PRDM2: variants seen among roughly 807,000 people sequenced by gnomAD.
PRDM2 encodes PR/SET domain 2.
In PRDM2, 30 loss-of-function variants were observed where a neutral mutation model predicts 130.0. That is an observed-to-expected ratio of 0.23 (90% CI 0.17 to 0.31). The LOEUF is 0.31. Among genes scored for constraint, PRDM2 ranks in the 10% least tolerant of loss-of-function variants. The pLI is 1.00. For synonymous variants in PRDM2, 871 were observed against 782.4 expected (o/e 1.11, Z -1.89); for missense variants, 2,011 against 2,108.4 (o/e 0.95, Z 0.90).
At chr1:13,802,891 G>A (rs1009708724) in intron 8 of PRDM2, among the ~76,000 whole-genome samples, 10 of 152,228 alleles carry the variant, frequency 6.6e-5, no homozygotes, top group Non-Finnish European at 1.0e-4. Context: ...ACAGGATTTG[G>A]GGCAGCCTAG....
At chr1:13,814,384 C>G (rs144374321) in intron 8 of PRDM2, among the ~76,000 whole-genome samples, 1 of 152,226 alleles carries the variant, frequency 6.6e-6, no homozygotes, top group East Asian at 1.9e-4. Context: ...GACAGAGAGC[C>G]AGGCCCTTGG....
At position 13,778,611 on chromosome 1, in the gene PRDM2, G is replaced by T. The variant is rs960328443; in HGVS notation, c.816G>T (p.Glu272Asp). The part of the protein sequence containing the change: ...EVNDLGEEEE[E>D]EEEEDEEEEE... The stretch of plus-strand genomic sequence containing the variant: ...ATGATTTGGGGGAAGAGGAGGAGGA[G>T]GAAGAGGAGGAGGATGAAGAAGAAG... The change falls in exon 8 of 10, where the codon GAG becomes GAT. Residue 272 changes from glutamate to aspartate, a missense_variant. By Grantham distance (45) the Glu-to-Asp change is conservative. Transcript: ENST00000311066. 1.2e-6 allele frequency: 2 copies of T among 1,613,478 alleles called. No individual in the cohort carries two copies. Among genetic ancestry groups the T allele is most frequent in the South Asian group, 1.1e-5 (1 of 91,038 alleles).
rs139910018 is a variant in PRDM2, at chr1:13,780,128, A to T, written c.2333A>T (p.His778Leu). The T allele has an allele frequency of 4.2e-5, 67 of 1,611,362 alleles. No individual in the cohort carries two copies. The African/African-American group carries it at 7.5e-4, about 18-fold the overall frequency. The part of the protein sequence containing the change: ...LTSKKSKLES[H>L]SDSPAWSLSG... ...TCCAAAAAATCCAAATTAGAAAGTC[A>T]CAGCGACTCACCAGCATGGAGTTTG... The change falls in exon 8 of 10, where the codon CAC becomes CTC. Residue 778 changes from histidine to leucine, a missense_variant. This residue lies in a region of PRDM2 where 1,288 missense variants were observed against 1,237.7 expected (regional missense o/e 1.04). Coordinates refer to ENST00000311066, the MANE Select transcript of PRDM2 (RefSeq NM_001393986.1).
intron 9 of PRDM2, among the ~76,000 whole-genome samples, chr1:13,821,534 G>A (rs750182453): frequency 1.3e-5 from 2 of 151,558 alleles, no homozygotes; most frequent in Non-Finnish European, 2.9e-5. Context: ...GCAATCTCAG[G>A]TCGCTGCAAC....
Position 13,779,686 on chromosome 1 carries a change from A to C in PRDM2, c.1891A>C (p.Ser631Arg), listed in dbSNP as rs1345254478. ...AGATCTTCCTAAAGAGCCTTTGGGCAGCACAAATAGTGAGGCCAAGAAGCG... is the reference window on the plus strand; with the variant it reads ...AGATCTTCCTAAAGAGCCTTTGGGCCGCACAAATAGTGAGGCCAAGAAGCG... ...TEDLPKEPLG[S>R]TNSEAKKRRT... Residue 631 changes from serine to arginine, a missense_variant, in exon 8 of 10, where the codon AGC becomes CGC. Transcript: ENST00000311066. This position sits in a 1 kb window ranked among gnomAD's most constrained non-coding sequence, Gnocchi z 4.9. The C allele has an allele frequency of 6.2e-7, 1 of 1,613,980 alleles. No homozygotes were observed. Among genetic ancestry groups the C allele is most frequent in the Non-Finnish European group, 8.5e-7 (1 of 1,180,010 alleles).
rs576617549 is a variant in PRDM2, at chr1:13,756,087, T to TA, written c.511+6616dup. Among the ~76,000 whole-genome samples, 607 of 132,982 alleles carry TA rather than the reference T, an allele frequency of 4.6e-3. 3 individuals carry two copies. The highest frequency in any genetic ancestry group is 0.011 in the Middle Eastern group (3 of 270). 87.2% of individuals were successfully genotyped at this position (132,982 alleles called of 152,430 possible). On this transcript the variant is annotated intron_variant, in intron 6 of 9. Coordinates refer to ENST00000311066, the MANE Select transcript of PRDM2 (RefSeq NM_001393986.1). ...TAACATGGTGAAACCCTGTCTCTTC[T>TA]AAAAAAAAAAAAAAAATACAAAAAA...
At chr1:13,794,376 C>T (rs1644889432) in intron 8 of PRDM2, among the ~76,000 whole-genome samples, 1 of 152,212 alleles carries the variant, frequency 6.6e-6, no homozygotes, top group African/African-American at 2.4e-5. Flanking sequence ...ATGTCTCCCC[C>T]TTCTTAGATG....
chr1:13,760,078 T>C (rs1019658881), intron 6 of PRDM2, among the ~76,000 whole-genome samples: 1 of 152,150 alleles, frequency 6.6e-6, no homozygotes, highest in Non-Finnish European at 1.5e-5. Flanking sequence ...AATCCAGGAA[T>C]TCAGGATAGA....
chr1:13,803,301 A>G lies in PRDM2; in HGVS notation c.5037-13126A>G, dbSNP rs980189288. ...CACCAGGAGCCTGGCTTTGCCATCC[A>G]TTTGTTCAGGAAACGTTCTCTGAGC... On this transcript the variant is annotated intron_variant, in intron 8 of 9. Transcript: ENST00000311066. The surrounding 1 kb of genome is among the most constrained non-coding windows in gnomAD (Gnocchi z 6.2). Among the ~76,000 whole-genome samples the G allele has an allele frequency of 1.2e-4, 19 of 152,174 alleles. No homozygotes were observed. The highest frequency in any genetic ancestry group is 4.6e-4 in the African/African-American group (19 of 41,442).
chr1:13,747,657 C>T (rs1278595706), intron 5 of PRDM2, among the ~76,000 whole-genome samples: 1 of 149,548 alleles, frequency 6.7e-6, no homozygotes, highest in Non-Finnish European at 1.5e-5. Flanking sequence ...GAGAGTTCTG[C>T]AGAGAATTAA....
chr1:13,789,150 A>G (rs996168940), intron 8 of PRDM2, among the ~76,000 whole-genome samples: 3 of 152,196 alleles, frequency 2.0e-5, no homozygotes, highest in Admixed American at 6.5e-5. Flanking sequence ...CCATCTCACC[A>G]AGGGAGAAGC....
Position 13,778,719 on chromosome 1 carries a change from A to G in PRDM2, c.924A>G (p.Pro308=), listed in dbSNP as rs763986206. The G allele has an allele frequency of 6.2e-7, 1 of 1,614,242 alleles. No individual in the cohort carries two copies. Among genetic ancestry groups the G allele is most frequent in the East Asian group, 2.2e-5 (1 of 44,890 alleles). Residue 308 remains proline (P), a synonymous_variant, in exon 8 of 10, where the codon CCA becomes CCG. Coordinates refer to ENST00000311066, the MANE Select transcript of PRDM2 (RefSeq NM_001393986.1). ...CAAATGAAAATTCTGTGAAAGAGCC[A>G]GAAATACGGTGTGATGAGAAGCCAG... ...SMPNENSVKE[P]EIRCDEKPED...
intron 2 of PRDM2, among the ~76,000 whole-genome samples, chr1:13,726,602 T>G (rs1005321844): frequency 6.6e-6 from 1 of 152,186 alleles, no homozygotes; most frequent in African/African-American, 2.4e-5. Context: ...TGACTTTCTT[T>G]GAGTTTGAGG....
In PRDM2 at chr1:13,700,591, A is replaced by AGCCGCGC. The variant is rs542940446; in HGVS notation, c.-66+295_-66+301dup. 8.3e-3 allele frequency among the ~76,000 whole-genome samples: 1,255 copies of AGCCGCGC among 151,106 alleles called. 19 individuals carry two copies. The highest frequency in any genetic ancestry group is 0.029 in the African/African-American group (1,187 of 41,198). ...CGGGATTCGGTTTGTCGCCGTGAAG[A>AGCCGCGC]GCCGCGCGCCCCGCGGGGGACGCGT... On this transcript the variant is annotated intron_variant, in intron 1 of 9. Transcript: ENST00000311066.
chr1:13,720,812 C>T (rs1042118900), intron 2 of PRDM2, among the ~76,000 whole-genome samples: 7 of 152,142 alleles, frequency 4.6e-5, no homozygotes, highest in Admixed American at 1.3e-4. Context: ...TTCATTTTAA[C>T]ATGATTTAAA....
intron 6 of PRDM2, chr1:13,769,237 A>G: frequency 1.2e-6 from 1 of 863,172 alleles, no homozygotes; most frequent in Non-Finnish European, 1.4e-6. Context: ...TCACAGAGAG[A>G]AGCTCACAAA....
At chr1:13,786,503 C>T in intron 8 of PRDM2, 1 of 1,610,758 alleles carries the variant, frequency 6.2e-7, no homozygotes, top group Non-Finnish European at 8.5e-7. Context: ...CTTCAGTTTT[C>T]TTATTTTCTA....
At chr1:13,735,681 A>ATGTTGTAG (rs369907312) in intron 4 of PRDM2, among the ~76,000 whole-genome samples, 51 of 152,314 alleles carry the variant, frequency 3.3e-4, no homozygotes, top group Admixed American at 1.6e-3. Context: ...CCTACAGCAG[A>ATGTTGTAG]GCGGGGCATT....
intron 1 of PRDM2, among the ~76,000 whole-genome samples, chr1:13,700,566 C>T (rs1231387723): frequency 6.6e-6 from 1 of 151,306 alleles, no homozygotes; most frequent in Non-Finnish European, 1.5e-5. Context: ...CGGCGAAGTT[C>T]GGGATTCGGT....
Sources: allele counts gnomAD v4.1 joint callset (sites outside exome capture counted in the v4.1 genomes callset), GRCh38; gene constraint gnomAD v4.1.1; regional missense constraint gnomAD v4.1.1; non-coding constraint Gnocchi (gnomAD v3.1); transcripts MANE v1.5; gene names NCBI Gene and HGNC (gene_info 2026-07-23, HGNC 2026-07-21).